The following TENM3 variants were observed in gnomAD, a reference collection of about 807,000 sequenced individuals.
TENM3 encodes the protein teneurin-3.
Under a neutral mutation model 255.1 loss-of-function variants are expected in TENM3, and 63 were observed. The observed-to-expected ratio is 0.25, with a 90% CI of 0.20 to 0.30. The LOEUF is 0.30. Among genes scored for constraint, TENM3 ranks in the 10% least tolerant of loss-of-function variants. The probability of loss-of-function intolerance (pLI) is 1.00; values close to 1 mark genes in which losing one functional copy is unlikely to be tolerated. For missense variants in TENM3, 2,929 were observed against 3,461.1 expected (o/e 0.85, Z 3.86); for synonymous variants, 1,306 against 1,322.3 (o/e 0.99, Z 0.27).
chr4:181,480,669 T>A, the TENM3 span, among the ~76,000 whole-genome samples: 1 of 151,366 alleles, frequency 6.6e-6, no homozygotes. Flanking sequence ...TATGGAGATA[T>A]GTAGTTTTAT....
chr4:181,831,058 G>C, the TENM3 span, among the ~76,000 whole-genome samples: 7 of 152,068 alleles, frequency 4.6e-5, no homozygotes, highest in South Asian at 1.5e-3. Flanking sequence ...CAAAAAACTG[G>C]TTTTTCATAA....
chr4:181,921,588 T>C, the TENM3 span, among the ~76,000 whole-genome samples: 1 of 152,238 alleles, frequency 6.6e-6, no homozygotes, highest in South Asian at 2.1e-4. Flanking sequence ...TGATTTTGTA[T>C]CCTGAGACTT....
At chr4:182,260,212 T>C (rs150456881) in intron 1 of TENM3, among the ~76,000 whole-genome samples, 20 of 152,328 alleles carry the variant, frequency 1.3e-4, no homozygotes, top group African/African-American at 4.1e-4. Context: ...AGCACAGATC[T>C]CTCTTCAATA....
intron 3 of TENM3, among the ~76,000 whole-genome samples, chr4:182,444,311 A>G (rs912689606): frequency 2.0e-5 from 3 of 152,254 alleles, no homozygotes; most frequent in East Asian, 3.8e-4. Flanking sequence ...TTGGCAAAAC[A>G]TAAGACAAAA....
At position 182,801,119 on chromosome 4, in the gene TENM3, TAAA is replaced by T. The variant is rs1398441245; in HGVS notation, c.*771_*773del. The T allele has an allele frequency of 2.6e-5, 4 of 152,564 alleles. No homozygotes were observed. The highest frequency in any genetic ancestry group is 4.8e-5 in the African/African-American group (2 of 41,392). The allele number at this position is 152,564 out of a possible 1,614,324, so 9.5% of individuals were successfully genotyped here. ...AAATTTATACTTAAAAATAAAATGA[TAAA>T]AACGTGAACTGTGTGATTTTTTTAA... On this transcript the variant is annotated 3_prime_UTR_variant, in exon 28 of 28. Coordinates refer to ENST00000511685, the MANE Select transcript of TENM3 (RefSeq NM_001080477.4).
intron 16 of TENM3, 135 bp from the exon 17 acceptor site, chr4:182,736,673 T>C: frequency 3.6e-6 from 3 of 842,536 alleles, no homozygotes; most frequent in Non-Finnish European, 5.3e-6. Context: ...ATAAGCACAT[T>C]GTCTTTGTGA....
intron 1 of TENM3, among the ~76,000 whole-genome samples, chr4:182,297,713 A>C (rs1761584755): frequency 6.6e-6 from 1 of 152,202 alleles, no homozygotes; most frequent in African/African-American, 2.4e-5. Context: ...AAGTCTAGAT[A>C]GGGTAGATGG....
chr4:182,444,257 C>A (rs1423928368), intron 3 of TENM3, among the ~76,000 whole-genome samples: 1 of 152,090 alleles, frequency 6.6e-6, no homozygotes, highest in Non-Finnish European at 1.5e-5. Flanking sequence ...ACATCAGAGT[C>A]CATATAGCTG....
the TENM3 span, among the ~76,000 whole-genome samples, chr4:181,690,624 C>G: frequency 1.3e-5 from 2 of 150,666 alleles, no homozygotes; most frequent in East Asian, 3.9e-4. Context: ...TCATTCAAAC[C>G]AGAGAGATTA....
the TENM3 span, among the ~76,000 whole-genome samples, chr4:182,135,219 A>T: frequency 6.6e-6 from 1 of 151,816 alleles, no homozygotes. Context: ...AAAAAAAAAA[A>T]AAAAAAAAAA....
chr4:182,626,418 A>G (rs1189527820), intron 4 of TENM3, among the ~76,000 whole-genome samples: 3 of 152,240 alleles, frequency 2.0e-5, no homozygotes, highest in East Asian at 1.9e-4. Flanking sequence ...ACTAATGCTT[A>G]TTGAGCACTT....
At chr4:182,151,431 G>T (rs1170697050) in intron 1 of TENM3, among the ~76,000 whole-genome samples, 1 of 152,024 alleles carries the variant, frequency 6.6e-6, no homozygotes, top group Admixed American at 6.6e-5. Flanking sequence ...TTTTATCAGA[G>T]AATTTGGAAT....
chr4:181,585,020 A>AAG, the TENM3 span, among the ~76,000 whole-genome samples: 43 of 150,802 alleles, frequency 2.9e-4, no homozygotes, highest in South Asian at 1.3e-3. Flanking sequence ...AAAAAAAAAA[A>AAG]TCCTCCTTTT....
At chr4:181,850,242 T>G in the TENM3 span, among the ~76,000 whole-genome samples, 1 of 152,214 alleles carries the variant, frequency 6.6e-6, no homozygotes, top group Admixed American at 6.5e-5. Context: ...ACCCTTTCTT[T>G]ACTTAAAAAT....
At chr4:182,574,750 G>A (rs534254370) in intron 3 of TENM3, among the ~76,000 whole-genome samples, 1 of 152,072 alleles carries the variant, frequency 6.6e-6, no homozygotes, top group African/African-American at 2.4e-5. Context: ...TGCAAGATTT[G>A]GTAGTAAGAA....
rs1761905726 is a variant in TENM3, at chr4:182,745,039, A to C, written c.3629+1620A>C. ...CTAGATCTAGTTTGGTCATTAAAAT[A>C]TCTAATGAAATGATATCAGATAGAA... is the stretch of plus-strand genomic sequence containing the variant. On this transcript the variant is annotated intron_variant, in intron 19 of 27. Coordinates refer to ENST00000511685, the MANE Select transcript of TENM3 (RefSeq NM_001080477.4). Among the ~76,000 whole-genome samples, 3 of 152,162 alleles carry C rather than the reference A, an allele frequency of 2.0e-5. No individual in the cohort carries two copies. The South Asian group carries it at 6.2e-4, about 32-fold the overall frequency.
intron 22 of TENM3, among the ~76,000 whole-genome samples, chr4:182,771,345 C>G (rs1764189390): frequency 6.6e-6 from 1 of 152,114 alleles, no homozygotes; most frequent in Non-Finnish European, 1.5e-5. Context: ...AGCTAGAGTT[C>G]CCAGCTTTAA....
the TENM3 span, among the ~76,000 whole-genome samples, chr4:181,538,725 T>C: frequency 1.3e-5 from 2 of 152,182 alleles, no homozygotes; most frequent in African/African-American, 2.4e-5. Context: ...ACTCAAGAAC[T>C]GCACTGTGGC....
rs566530643 is a variant in TENM3, at chr4:182,250,091, C to T, written c.-76+6615C>T. ...TTTTTGAGACGGAGTCTTGCTCTGT[C>T]GCCCAGACTGGAGTGCAGTGGTGCG... On this transcript the variant is annotated intron_variant, in intron 1 of 27. Transcript: ENST00000511685. Among the ~76,000 whole-genome samples the T allele has an allele frequency of 2.5e-3, 337 of 136,984 alleles. 1 individual carries two copies. Among genetic ancestry groups the T allele is most frequent in the African/African-American group, 9.2e-3 (324 of 35,278 alleles). 89.9% of individuals were successfully genotyped at this position (136,984 alleles called of 152,430 possible).
Sources: allele counts gnomAD v4.1 joint callset (sites outside exome capture counted in the v4.1 genomes callset), GRCh38; gene constraint gnomAD v4.1.1; transcripts MANE v1.5; gene names NCBI Gene and HGNC (gene_info 2026-07-23, HGNC 2026-07-21).